The following GRK3 variants were observed in gnomAD, a reference collection of about 807,000 sequenced individuals.
GRK3 encodes the protein G protein-coupled receptor kinase 3, also known as adrenergic, beta, receptor kinase 2.
GRK3 carries 54 observed loss-of-function variants against 95.7 expected under a neutral mutation model. The ratio of observed to expected loss-of-function variants is 0.56; its 90% CI spans 0.45 to 0.71. GRK3 has a LOEUF of 0.71. Among genes scored for constraint, GRK3 ranks in the 30% least tolerant of loss-of-function variants. The probability of loss-of-function intolerance (pLI) is 0.00; values close to 1 mark genes in which losing one functional copy is unlikely to be tolerated. For synonymous variants in GRK3, 281 were observed against 290.8 expected, an observed-to-expected ratio of 0.97 and a Z score of 0.34; for missense variants, 649 against 851.2, an observed-to-expected ratio of 0.76 and a Z score of 2.96.
intron 2 of GRK3, among the ~76,000 whole-genome samples, chr22:25,626,695 C>T (rs1267986179): frequency 1.3e-5 from 2 of 152,198 alleles, no homozygotes; most frequent in Non-Finnish European, 2.9e-5. Context: ...AGCAAGTAGT[C>T]ATTTTATATG....
At chr22:25,579,164 T>A (rs977190720) in intron 1 of GRK3, among the ~76,000 whole-genome samples, 1 of 152,034 alleles carries the variant, frequency 6.6e-6, no homozygotes, top group Non-Finnish European at 1.5e-5. Context: ...ATTCTTTTTT[T>A]TTTTTTCTTT....
In GRK3 at chr22:25,620,395, G is replaced by A. The variant is rs546975857; in HGVS notation, c.190+15942G>A. Among the ~76,000 whole-genome samples, 124 of 152,270 alleles carry A rather than the reference G, an allele frequency of 8.1e-4. 1 individual carries two copies. The highest frequency in any genetic ancestry group is 5.4e-3 in the South Asian group (26 of 4,826). ...GTTGCCAGGAACATGTTGGGCAAGG[G>A]CAAGAAGTCCCGCAGGGATTGTGGG... is the stretch of plus-strand genomic sequence containing the variant. On this transcript the variant is annotated intron_variant, in intron 2 of 20. Transcript: ENST00000324198.
intron 3 of GRK3, among the ~76,000 whole-genome samples, chr22:25,647,050 GA>G (rs1373267909): frequency 7.4e-6 from 1 of 135,516 alleles, no homozygotes; most frequent in African/African-American, 2.8e-5. Context: ...AAAAGAAAAA[GA>G]AAAAAAATGA....
chr22:25,715,380 C>T (rs2085375932), intron 18 of GRK3, among the ~76,000 whole-genome samples: 1 of 151,994 alleles, frequency 6.6e-6, no homozygotes, highest in Admixed American at 6.6e-5. Flanking sequence ...GGTGTGGTGG[C>T]ATGCACCTGT....
intron 1 of GRK3, among the ~76,000 whole-genome samples, chr22:25,575,813 G>A (rs1017526977): frequency 6.6e-6 from 1 of 152,216 alleles, no homozygotes; most frequent in African/African-American, 2.4e-5. Flanking sequence ...AGGACAGCTG[G>A]TTTTCTCCTT....
intron 1 of GRK3, among the ~76,000 whole-genome samples, chr22:25,583,790 C>T (rs534778064): frequency 1.8e-4 from 28 of 152,264 alleles, no homozygotes; most frequent in Middle Eastern, 3.4e-3. Flanking sequence ...GTATTTGACT[C>T]GTTAGAGACA....
intron 2 of GRK3, among the ~76,000 whole-genome samples, chr22:25,632,177 C>T (rs1419639470): frequency 6.6e-6 from 1 of 152,186 alleles, no homozygotes; most frequent in Non-Finnish European, 1.5e-5. Flanking sequence ...TCTAAGAGTT[C>T]CAACTGCTCC....
At position 25,712,578 on chromosome 22, in the gene GRK3, G is replaced by T. The variant is rs1438350058; in HGVS notation, c.1491+1415G>T. ...AGAGATGATCATACTTAAAAATGTTGTAAACCAAGATCTAGGCTTTGGAGT... is the reference window on the plus strand; with the variant it reads ...AGAGATGATCATACTTAAAAATGTTTTAAACCAAGATCTAGGCTTTGGAGT... On this transcript the variant is annotated intron_variant, in intron 17 of 20. Coordinates refer to ENST00000324198, the MANE Select transcript of GRK3 (RefSeq NM_005160.4). Among the ~76,000 whole-genome samples, 3 of 152,250 alleles carry T rather than the reference G, an allele frequency of 2.0e-5. No individual in the cohort carries two copies. The East Asian group carries it at 5.8e-4, about 29-fold the overall frequency.
intron 2 of GRK3, among the ~76,000 whole-genome samples, chr22:25,619,764 T>C (rs1332454693): frequency 6.7e-6 from 1 of 149,808 alleles, no homozygotes; most frequent in African/African-American, 2.5e-5. Context: ...AATGCTGGGA[T>C]TATGAGCCAC....
At chr22:25,610,495 C>G (rs2084488417) in intron 2 of GRK3, among the ~76,000 whole-genome samples, 1 of 152,144 alleles carries the variant, frequency 6.6e-6, no homozygotes, top group Non-Finnish European at 1.5e-5. Context: ...TGCAAAACTA[C>G]TATATACCAT....
chr22:25,564,996 C>T lies in GRK3; in HGVS notation c.-45C>T, dbSNP rs1170484618. Reference sequence around the variant, plus strand: ...CGGCGGCGGCGGGCGCGCGTCCCGTCCAGGTCCGGAGTAACCGCCGCCGCC... The same window carrying T: ...CGGCGGCGGCGGGCGCGCGTCCCGTTCAGGTCCGGAGTAACCGCCGCCGCC... On this transcript the variant is annotated 5_prime_UTR_variant, in exon 1 of 21. Coordinates refer to ENST00000324198, the MANE Select transcript of GRK3 (RefSeq NM_005160.4). The T allele has an allele frequency of 2.2e-6, 2 of 892,216 alleles. No homozygotes were observed. The highest frequency in any genetic ancestry group is 3.3e-5 in the South Asian group (2 of 60,676). 55.3% of individuals were successfully genotyped at this position (892,216 alleles called of 1,614,324 possible). A position where few individuals can be genotyped will look rare whatever the true frequency, so the allele number is the denominator to read the frequency against.
chr22:25,717,883 A>C (rs1368394861), intron 18 of GRK3, among the ~76,000 whole-genome samples: 1 of 152,238 alleles, frequency 6.6e-6, no homozygotes, highest in African/African-American at 2.4e-5. Flanking sequence ...CGTAAAGGCG[A>C]AGGTACTTTG....
At chr22:25,667,280 A>G (rs2084948550) in intron 5 of GRK3, among the ~76,000 whole-genome samples, 1 of 152,244 alleles carries the variant, frequency 6.6e-6, no homozygotes, top group Non-Finnish European at 1.5e-5. Context: ...AGTGCAGATT[A>G]CAGATGCTTT....
At chr22:25,661,781 A>C (rs2146401333) in intron 4 of GRK3, 104 bp downstream of exon 4, 3 of 629,064 alleles carry the variant, frequency 4.8e-6, no homozygotes, top group Middle Eastern at 4.2e-4. Context: ...TTTAAAATTG[A>C]AAAATGCACG....
At chr22:25,677,377 T>TAAAAAA (rs376997700) in intron 8 of GRK3, among the ~76,000 whole-genome samples, 541 of 41,484 alleles carry the variant, frequency 0.013, no homozygotes, top group Middle Eastern at 0.023. Context: ...CCCCATATCT[T>TAAAAAA]AAAAAAAAAA....
chr22:25,670,001 A>G (rs1399134008), intron 6 of GRK3, among the ~76,000 whole-genome samples: 1 of 152,236 alleles, frequency 6.6e-6, no homozygotes, highest in Admixed American at 6.5e-5. Flanking sequence ...ATAGGTTGAA[A>G]TAACTCTTAG....
intron 1 of GRK3, among the ~76,000 whole-genome samples, chr22:25,566,916 C>T (rs73879504): frequency 1.4e-4 from 20 of 139,300 alleles, no homozygotes; most frequent in African/African-American, 5.7e-4. Flanking sequence ...TTGGGGGGGG[C>T]TAGTATATAA....
In GRK3 at chr22:25,674,491, G is replaced by A; in HGVS notation, c.610G>A (p.Glu204Lys). ...HRIIGRGGFG[E>K]VYGCRKADTG... ...GATTATTGGACGAGGAGGATTCGGG[G>A]AAGTTTATGGTTGCAGGAAAGCAGA... Residue 204 changes from glutamate to lysine, a missense_variant, in exon 8 of 21, where the codon GAA becomes AAA. Around this residue, in one of 3 missense-constraint regions of GRK3, gnomAD observed 61 missense variants for 126.0 expected, o/e 0.48. Transcript: ENST00000324198. 6.2e-7 allele frequency: 1 copy of A among 1,614,130 alleles called. No individual in the cohort carries two copies. The highest frequency in any genetic ancestry group is 8.5e-7 in the Non-Finnish European group (1 of 1,179,966).
chr22:25,608,550 T>C (rs1034986750), intron 2 of GRK3, among the ~76,000 whole-genome samples: 16 of 152,278 alleles, frequency 1.1e-4, no homozygotes, highest in Non-Finnish European at 5.9e-5. Context: ...CAGAAAGATA[T>C]GAAGCTCAGG....
Sources: allele counts gnomAD v4.1 joint callset (sites outside exome capture counted in the v4.1 genomes callset), GRCh38; gene constraint gnomAD v4.1.1; regional missense constraint gnomAD v4.1.1; transcripts MANE v1.5; gene names NCBI Gene and HGNC (gene_info 2026-07-23, HGNC 2026-07-21).